SYT13: variants seen among roughly 807,000 people sequenced by gnomAD.
SYT13 encodes the protein synaptotagmin-13.
Under a neutral mutation model 38.6 loss-of-function variants are expected in SYT13, and 21 were observed. The ratio of observed to expected loss-of-function variants is 0.54; its 90% CI spans 0.39 to 0.78. SYT13 has a LOEUF of 0.78. Ranked by LOEUF, SYT13 falls within the 30% of genes least tolerant of loss-of-function variation. SYT13 has a pLI of 0.00. For missense variants in SYT13, 495 were observed against 548.7 expected (o/e 0.90, Z 0.98); for synonymous variants, 241 against 237.6 (o/e 1.01, Z -0.13).
intron 2 of SYT13, among the ~76,000 whole-genome samples, 169 bp downstream of exon 2, chr11:45,255,497 G>C (rs113609189): frequency 1.5e-4 from 23 of 152,320 alleles, no homozygotes; most frequent in Admixed American, 7.8e-4. Flanking sequence ...GCAACATGTT[G>C]TCAGGAAGAA....
At chr11:45,267,280 T>G (rs1220836061) in intron 1 of SYT13, among the ~76,000 whole-genome samples, 1 of 152,180 alleles carries the variant, frequency 6.6e-6, no homozygotes, top group East Asian at 1.9e-4. Flanking sequence ...CCATTTCTAG[T>G]GAGCCTTGAC....
At chr11:45,266,953 T>C (rs904887125) in intron 1 of SYT13, among the ~76,000 whole-genome samples, 3 of 152,222 alleles carry the variant, frequency 2.0e-5, no homozygotes, top group Non-Finnish European at 4.4e-5. Flanking sequence ...AGTTGATTTC[T>C]CACAGTCTGA....
chr11:45,251,371 G>A (rs1854671888), intron 4 of SYT13, among the ~76,000 whole-genome samples: 1 of 123,646 alleles, frequency 8.1e-6, no homozygotes, highest in Middle Eastern at 5.7e-3. Context: ...CCTGGCAACA[G>A]AGCGAGACTC....
chr11:45,284,751 C>T (rs1235763108), intron 1 of SYT13, among the ~76,000 whole-genome samples: 2 of 152,184 alleles, frequency 1.3e-5, no homozygotes, highest in Admixed American at 6.5e-5. Context: ...CGGCCGACCA[C>T]GACTTGTGGA....
chr11:45,251,409 A>AAAAAAG (rs1473071607), intron 4 of SYT13, among the ~76,000 whole-genome samples: 1 of 151,414 alleles, frequency 6.6e-6, no homozygotes, highest in Non-Finnish European at 1.5e-5. Context: ...AAAAAAAAAA[A>AAAAAAG]ATAGTGCCCT....
chr11:45,257,469 T>C (rs762310375), intron 1 of SYT13, among the ~76,000 whole-genome samples: 19 of 152,150 alleles, frequency 1.2e-4, no homozygotes, highest in Non-Finnish European at 2.8e-4. Context: ...CCCATCTCCA[T>C]GGCTGAAGCG....
intron 1 of SYT13, among the ~76,000 whole-genome samples, chr11:45,257,077 CTGTGTACCACT>C (rs1472605272): frequency 6.6e-6 from 1 of 152,200 alleles, no homozygotes; most frequent in Non-Finnish European, 1.5e-5. Flanking sequence ...AAAATGTAGC[CTGTGTACCACT>C]TGCCCAATTG....
intron 1 of SYT13, among the ~76,000 whole-genome samples, chr11:45,261,915 CAA>C (rs35524066): frequency 1.9e-4 from 25 of 130,498 alleles, no homozygotes; most frequent in Admixed American, 2.3e-4. Context: ...GACCTTGTCT[CAA>C]AAAAAAAAAA....
chr11:45,246,716 GTTTC>G (rs1322227713), intron 4 of SYT13, among the ~76,000 whole-genome samples: 4 of 152,180 alleles, frequency 2.6e-5, no homozygotes, highest in Admixed American at 2.6e-4. Context: ...TTCAATAGCA[GTTTC>G]TTTGTTTGCC....
At chr11:45,254,147 G>A in intron 3 of SYT13, 123 bp downstream of exon 3, 1 of 1,111,394 alleles carries the variant, frequency 9.0e-7, no homozygotes, top group South Asian at 2.1e-5. Flanking sequence ...GTGTTCCAGG[G>A]TCTGGTTGTT....
intron 4 of SYT13, among the ~76,000 whole-genome samples, chr11:45,250,612 C>T (rs1046889255): frequency 1.7e-4 from 26 of 152,106 alleles, no homozygotes; most frequent in Admixed American, 6.5e-5. Flanking sequence ...TCCCAGGATC[C>T]CCATCTGTGA....
At chr11:45,279,834 T>A (rs1027717998) in intron 1 of SYT13, among the ~76,000 whole-genome samples, 1 of 152,096 alleles carries the variant, frequency 6.6e-6, no homozygotes, top group Admixed American at 6.5e-5. Flanking sequence ...CAGAGTTGAA[T>A]CAGTTCCAGG....
At chr11:45,274,849 A>G (rs761284884) in intron 1 of SYT13, among the ~76,000 whole-genome samples, 4 of 152,194 alleles carry the variant, frequency 2.6e-5, no homozygotes, top group Non-Finnish European at 5.9e-5. Flanking sequence ...TGTGTGGTTT[A>G]TAATGCTCTT....
At chr11:45,256,710 T>C (rs1854751658) in intron 1 of SYT13, among the ~76,000 whole-genome samples, 1 of 152,226 alleles carries the variant, frequency 6.6e-6, no homozygotes, top group Non-Finnish European at 1.5e-5. Context: ...AATTATGTCT[T>C]GTCTTGCTCC....
chr11:45,278,187 T>C (rs1451844184), intron 1 of SYT13, among the ~76,000 whole-genome samples: 1 of 152,218 alleles, frequency 6.6e-6, no homozygotes, highest in African/African-American at 2.4e-5. Flanking sequence ...AAAACTTGCT[T>C]CTATGAAGCT....
At chr11:45,263,749 G>A (rs1854848320) in intron 1 of SYT13, among the ~76,000 whole-genome samples, 1 of 152,224 alleles carries the variant, frequency 6.6e-6, no homozygotes, top group African/African-American at 2.4e-5. Flanking sequence ...TATCCTGCTG[G>A]TCAGGTATTC....
chr11:45,264,797 C>T (rs565841257), intron 1 of SYT13, among the ~76,000 whole-genome samples: 1 of 152,224 alleles, frequency 6.6e-6, no homozygotes, highest in South Asian at 2.1e-4. Context: ...ATGTAGACAC[C>T]ACTACACACC....
intron 4 of SYT13, among the ~76,000 whole-genome samples, chr11:45,250,995 G>A (rs1029311634): frequency 3.9e-5 from 6 of 152,150 alleles, no homozygotes; most frequent in Admixed American, 2.0e-4. Context: ...TTCCTCATCT[G>A]TAAGAGGGAT....
chr11:45,262,350 T>C (rs910390093), intron 1 of SYT13, among the ~76,000 whole-genome samples: 1 of 152,146 alleles, frequency 6.6e-6, no homozygotes, highest in Non-Finnish European at 1.5e-5. Flanking sequence ...TCAATGGGTA[T>C]AGATTTTTAG....
Sources: gnomAD v4.1 joint callset for allele counts (sites outside exome capture counted in the v4.1 genomes callset) on GRCh38, gnomAD v4.1.1 for gene constraint, MANE v1.5 for transcripts, NCBI Gene and HGNC (gene_info 2026-07-23, HGNC 2026-07-21) for gene names.